The following PTH2R variants were observed in gnomAD, a reference collection of about 807,000 sequenced individuals.
PTH2R encodes parathyroid hormone 2 receptor.
Under a neutral mutation model 60.3 loss-of-function variants are expected in PTH2R, and 59 were observed. The ratio of observed to expected loss-of-function variants is 0.98; its 90% CI spans 0.79 to 1.22. PTH2R has a LOEUF of 1.22. Ranked by LOEUF, PTH2R falls within the 50% of genes most tolerant of loss-of-function variation. The pLI, the probability that PTH2R is intolerant of heterozygous loss-of-function variation, is 0.00. For synonymous variants in PTH2R, 256 were observed against 243.8 expected (o/e 1.05, Z -0.47); for missense variants, 749 against 682.6 (o/e 1.10, Z -1.08).
chr2:208,443,798 A>G (rs1304853280), intron 6 of PTH2R, among the ~76,000 whole-genome samples: 3 of 152,178 alleles, frequency 2.0e-5, no homozygotes, highest in Non-Finnish European at 4.4e-5. Flanking sequence ...TTGGAATGGT[A>G]TTTGGCATAG....
At chr2:208,479,884 T>C (rs1038712569) in intron 9 of PTH2R, among the ~76,000 whole-genome samples, 2 of 152,206 alleles carry the variant, frequency 1.3e-5, no homozygotes, top group East Asian at 3.8e-4. Context: ...TCCATGTTCA[T>C]GTAAGGTTTT....
chr2:208,422,256 G>A (rs1341770073), intron 1 of PTH2R, among the ~76,000 whole-genome samples: 3 of 152,118 alleles, frequency 2.0e-5, no homozygotes, highest in Admixed American at 6.5e-5. Flanking sequence ...GAGGGCAATC[G>A]GCTTTGCTGA....
In PTH2R at chr2:208,384,693, G is replaced by A. The variant is rs1700973505; in HGVS notation, c.-259+24456G>A. The stretch of plus-strand genomic sequence containing the variant: ...AGTCCCATAAAACAATTACACATTC[G>A]GGTGATAACTTCAAAAGGAGAAATT... On this transcript the variant is annotated intron_variant, in intron 1 of 12. Transcript: ENST00000617735. Among the ~76,000 whole-genome samples, 4 of 152,228 alleles carry A rather than the reference G, an allele frequency of 2.6e-5. No individual in the cohort carries two copies. In the South Asian group the frequency reaches 6.2e-4, roughly 24 times the overall value.
intron 1 of PTH2R, among the ~76,000 whole-genome samples, chr2:208,361,609 T>C (rs1442710906): frequency 1.3e-5 from 2 of 152,160 alleles, no homozygotes; most frequent in Non-Finnish European, 2.9e-5. Context: ...ACTCCCAAGC[T>C]CCAGGCAGCT....
At chr2:208,398,647 AATT>A (rs1156928340) in intron 1 of PTH2R, among the ~76,000 whole-genome samples, 1 of 152,224 alleles carries the variant, frequency 6.6e-6, no homozygotes, top group African/African-American at 2.4e-5. Flanking sequence ...TGGGGAATGT[AATT>A]AGATCAATTC....
intron 10 of PTH2R, among the ~76,000 whole-genome samples, chr2:208,486,730 GCA>G (rs1262186101): frequency 1.3e-5 from 2 of 152,220 alleles, no homozygotes; most frequent in African/African-American, 4.8e-5. Context: ...TGGGAAGGGG[GCA>G]CTCACCATCA....
chr2:208,484,555 C>T (rs1200513365), intron 10 of PTH2R, among the ~76,000 whole-genome samples: 1 of 152,108 alleles, frequency 6.6e-6, no homozygotes, highest in Non-Finnish European at 1.5e-5. Flanking sequence ...AATTACAACT[C>T]AAACTCAATT....
chr2:208,383,019 C>T (rs1400993105), intron 1 of PTH2R, among the ~76,000 whole-genome samples: 1 of 152,250 alleles, frequency 6.6e-6, no homozygotes, highest in Non-Finnish European at 1.5e-5. Context: ...TGCACCTGTG[C>T]ACTAATCAGT....
At chr2:208,455,741 A>C (rs1400742418) in intron 8 of PTH2R, among the ~76,000 whole-genome samples, 2 of 152,178 alleles carry the variant, frequency 1.3e-5, no homozygotes, top group Admixed American at 6.5e-5. Flanking sequence ...ACAGATTTTA[A>C]ATATCTTCAA....
intron 1 of PTH2R, among the ~76,000 whole-genome samples, chr2:208,417,315 T>C (rs1701659210): frequency 6.6e-6 from 1 of 152,116 alleles, no homozygotes; most frequent in East Asian, 1.9e-4. Context: ...TAACTAGGCA[T>C]GTGTATAAAG....
At chr2:208,485,474 G>A (rs1385354025) in intron 10 of PTH2R, among the ~76,000 whole-genome samples, 1 of 152,080 alleles carries the variant, frequency 6.6e-6, no homozygotes, top group Non-Finnish European at 1.5e-5. Context: ...TATGGACGCT[G>A]AAAAAAATCA....
chr2:208,456,767 G>C (rs940790757), intron 8 of PTH2R, among the ~76,000 whole-genome samples: 5 of 152,194 alleles, frequency 3.3e-5, no homozygotes, highest in Non-Finnish European at 5.9e-5. Flanking sequence ...AATTTGAACA[G>C]AGAGTAATTT....
At chr2:208,485,252 G>C (rs139276929) in intron 10 of PTH2R, among the ~76,000 whole-genome samples, 378 of 152,254 alleles carry the variant, frequency 2.5e-3, no homozygotes, top group African/African-American at 8.8e-3. Context: ...CACAGAATTA[G>C]GAATCTATTT....
chr2:208,442,896 G>A (rs1029418482), intron 5 of PTH2R, among the ~76,000 whole-genome samples: 2 of 151,888 alleles, frequency 1.3e-5, no homozygotes, highest in Non-Finnish European at 1.5e-5. Flanking sequence ...CAACTTAATC[G>A]AAATCATTAC....
intron 1 of PTH2R, among the ~76,000 whole-genome samples, chr2:208,367,654 G>A (rs1700619479): frequency 6.6e-6 from 1 of 152,132 alleles, no homozygotes; most frequent in African/African-American, 2.4e-5. Flanking sequence ...ACAGGCATGA[G>A]CCACTGTGCC....
At chr2:208,476,037 A>G (rs1702995457) in intron 9 of PTH2R, among the ~76,000 whole-genome samples, 1 of 152,202 alleles carries the variant, frequency 6.6e-6, no homozygotes, top group African/African-American at 2.4e-5. Context: ...ACCTGTCCCA[A>G]GGTATCTTAG....
intron 2 of PTH2R, among the ~76,000 whole-genome samples, chr2:208,436,593 C>T (rs2105864275): frequency 6.6e-6 from 1 of 152,166 alleles, no homozygotes; most frequent in South Asian, 2.1e-4. Flanking sequence ...GGGAAAGCTG[C>T]CTGGGCTGGA....
chr2:208,420,451 C>G (rs914792673), intron 1 of PTH2R, among the ~76,000 whole-genome samples: 1 of 152,058 alleles, frequency 6.6e-6, no homozygotes, highest in Non-Finnish European at 1.5e-5. Flanking sequence ...GAATGTTGCT[C>G]TCAATTTTTT....
intron 1 of PTH2R, among the ~76,000 whole-genome samples, chr2:208,364,718 AT>A (rs1700544787): frequency 6.6e-6 from 1 of 152,186 alleles, no homozygotes; most frequent in Non-Finnish European, 1.5e-5. Context: ...TGCTATTGGA[AT>A]TTTGATAAGG....
Sources: allele counts gnomAD v4.1 joint callset (sites outside exome capture counted in the v4.1 genomes callset), GRCh38; gene constraint gnomAD v4.1.1; transcripts MANE v1.5; gene names NCBI Gene and HGNC (gene_info 2026-07-23, HGNC 2026-07-21).